Variants in TLK1 observed in about 807,000 individuals in gnomAD.
TLK1 encodes serine/threonine-protein kinase tousled-like 1.
TLK1 carries 24 observed loss-of-function variants against 105.3 expected under a neutral mutation model. The observed-to-expected ratio is 0.23, with a 90% CI of 0.17 to 0.32. TLK1 has a LOEUF of 0.32. Among genes scored for constraint, TLK1 ranks in the 10% least tolerant of loss-of-function variants. The pLI is 1.00. For synonymous variants in TLK1, 321 were observed against 310.4 expected (o/e 1.03, Z -0.36); for missense variants, 558 against 910.5 (o/e 0.61, Z 4.98).
chr2:171,080,096 T>C (rs910668137), intron 3 of TLK1, among the ~76,000 whole-genome samples: 4 of 149,950 alleles, frequency 2.7e-5, no homozygotes, highest in African/African-American at 9.8e-5. Context: ...ATTCAGGAGG[T>C]TGAGGCAGGA....
At position 171,160,776 on chromosome 2, in the gene TLK1, GGACACTTC is replaced by G; in HGVS notation, c.-356_-349del. 1 of 410,592 alleles carries G rather than the reference GGACACTTC, an allele frequency of 2.4e-6. No homozygotes were observed. The allele number at this position is 410,592 out of a possible 1,614,324, so 25.4% of individuals were successfully genotyped here. Reference sequence around the variant, plus strand: ...GCGGAGCGCGGGCTGCGCCGGCCGAGGACACTTCCGCGGGCGGAACCTGCCGGCACCTC... The same window carrying G: ...GCGGAGCGCGGGCTGCGCCGGCCGAGCGCGGGCGGAACCTGCCGGCACCTC... On this transcript the variant is annotated 5_prime_UTR_variant, in exon 1 of 21. Transcript: ENST00000431350. This position sits in a 1 kb window ranked among gnomAD's most constrained non-coding sequence, Gnocchi z 4.4.
intron 4 of TLK1, chr2:171,059,947 C>T: frequency 1.9e-6 from 3 of 1,587,064 alleles, no homozygotes; most frequent in Non-Finnish European, 2.6e-6. Context: ...ACCCATTTCC[C>T]AATAGGCCAA....
intron 11 of TLK1, among the ~76,000 whole-genome samples, chr2:171,035,872 A>G (rs1686305378): frequency 6.6e-6 from 1 of 152,146 alleles, no homozygotes. Context: ...TGGAAAAAGA[A>G]AGGAAATGGA....
intron 11 of TLK1, among the ~76,000 whole-genome samples, chr2:171,033,824 G>C (rs1686172606): frequency 6.8e-6 from 1 of 146,546 alleles, no homozygotes; most frequent in Non-Finnish European, 1.5e-5. Context: ...AAAAGTAAAA[G>C]ACAACTTACA....
rs1683817234 is a variant in TLK1, at chr2:170,992,305, A to G, written c.*1475T>C. On this transcript the variant is annotated 3_prime_UTR_variant, in exon 21 of 21. Transcript: ENST00000431350. The stretch of plus-strand genomic sequence containing the variant: ...CATCAGAAATACAGTTTAACTGTAC[A>G]ATATTAAAGAGAATCCGTGGTACGT... 1 of 152,266 alleles carries G rather than the reference A, an allele frequency of 6.6e-6. No homozygotes were observed. Among genetic ancestry groups the G allele is most frequent in the Non-Finnish European group, 1.5e-5 (1 of 68,002 alleles). The allele number at this position is 152,266 out of a possible 1,614,324, so 9.4% of individuals were successfully genotyped here.
intron 11 of TLK1, 89 bp from the exon 12 acceptor site, chr2:171,028,494 C>T (rs1396817662): frequency 1.1e-6 from 1 of 903,132 alleles, no homozygotes; most frequent in African/African-American, 1.7e-5. Context: ...AGTGGAAATA[C>T]TAAAATGTGG....
chr2:171,085,285 G>A (rs965487805), intron 2 of TLK1, among the ~76,000 whole-genome samples: 7 of 152,022 alleles, frequency 4.6e-5, no homozygotes, highest in Non-Finnish European at 1.0e-4. Flanking sequence ...AGATACTTGG[G>A]AGGCTGAGGC....
intron 1 of TLK1, among the ~76,000 whole-genome samples, chr2:171,173,693 A>C (rs746975122): frequency 6.6e-6 from 1 of 152,106 alleles, no homozygotes; most frequent in African/African-American, 2.4e-5. Context: ...ATCTGGCCCA[A>C]TGATGACTCT....
intron 12 of TLK1, among the ~76,000 whole-genome samples, chr2:171,021,372 T>C (rs1297399679): frequency 6.6e-6 from 1 of 151,818 alleles, no homozygotes. Flanking sequence ...ACAGGTGCAA[T>C]GCCTTCGTGT....
chr2:171,042,847 T>A (rs991723642), intron 11 of TLK1, among the ~76,000 whole-genome samples: 7 of 151,906 alleles, frequency 4.6e-5, no homozygotes, highest in African/African-American at 1.7e-4. Flanking sequence ...GAAAGCACAG[T>A]CCATTTAGAG....
At position 171,000,541 on chromosome 2, in the gene TLK1, CG is replaced by C. The variant is rs908090779; in HGVS notation, c.1905-2719del. Among the ~76,000 whole-genome samples the C allele has an allele frequency of 6.6e-5, 10 of 151,908 alleles. No homozygotes were observed. In the South Asian group the frequency reaches 1.7e-3, roughly 25 times the overall value. Reference sequence around the variant, plus strand: ...GAAAAAAACTGCTATTAAGAAAAATCGTAAGAGAAAATCACTATTCATTAAG... The same window carrying C: ...GAAAAAAACTGCTATTAAGAAAAATCTAAGAGAAAATCACTATTCATTAAG... On this transcript the variant is annotated intron_variant, in intron 18 of 20. Coordinates refer to ENST00000431350, the MANE Select transcript of TLK1 (RefSeq NM_012290.5).
At chr2:171,039,021 A>C (rs1686518952) in intron 11 of TLK1, among the ~76,000 whole-genome samples, 1 of 152,134 alleles carries the variant, frequency 6.6e-6, no homozygotes, top group South Asian at 2.1e-4. Context: ...TAAATTTAGA[A>C]TTATTATAGC....
chr2:171,202,172 C>T (rs1396992971), intron 1 of TLK1, among the ~76,000 whole-genome samples: 1 of 152,278 alleles, frequency 6.6e-6, no homozygotes, highest in East Asian at 1.9e-4. Context: ...TTTCCCGGCT[C>T]AGGCCGGGCG....
At chr2:171,199,457 G>C (rs186456611) in intron 1 of TLK1, among the ~76,000 whole-genome samples, 33 of 152,020 alleles carry the variant, frequency 2.2e-4, no homozygotes, top group African/African-American at 7.7e-4. Context: ...AGGCTGCAGT[G>C]AGCCGTGATC....
chr2:171,034,181 G>A (rs745819925), intron 11 of TLK1, among the ~76,000 whole-genome samples: 9 of 152,222 alleles, frequency 5.9e-5, no homozygotes, highest in East Asian at 1.9e-4. Context: ...AATGTAAAAC[G>A]GTGCAGAATG....
intron 12 of TLK1, among the ~76,000 whole-genome samples, chr2:171,023,361 A>G (rs886319789): frequency 6.6e-6 from 1 of 152,018 alleles, no homozygotes; most frequent in African/African-American, 2.4e-5. Context: ...TGTTTTTCAA[A>G]TAAAACTTCT....
At chr2:170,996,142 A>C (rs1169562037) in intron 20 of TLK1, among the ~76,000 whole-genome samples, 1 of 150,686 alleles carries the variant, frequency 6.6e-6, no homozygotes. Flanking sequence ...GAGACTCTAG[A>C]TGTGTGCCAC....
At chr2:170,994,097 ATTCTGTAGCTAG>A in intron 20 of TLK1, 141 bp from the exon 21 acceptor site, 1 of 918,358 alleles carries the variant, frequency 1.1e-6, no homozygotes, top group Non-Finnish European at 1.5e-6. Flanking sequence ...TAAAAAAAAA[ATTCTGTAGCTAG>A]AAAATTCTCA....
intron 8 of TLK1, 61 bp from the exon 9 acceptor site, chr2:171,050,235 A>C: frequency 8.6e-7 from 1 of 1,167,314 alleles, no homozygotes; most frequent in Non-Finnish European, 1.2e-6. Context: ...GCTTAGAAAT[A>C]GTTTTAATGT....
Sources: gnomAD v4.1 joint callset for allele counts (sites outside exome capture counted in the v4.1 genomes callset) on GRCh38, gnomAD v4.1.1 for gene constraint, Gnocchi (gnomAD v3.1) non-coding constraint, MANE v1.5 for transcripts, NCBI Gene and HGNC (gene_info 2026-07-23, HGNC 2026-07-21) for gene names.